Variants in NFIA observed in about 807,000 individuals in gnomAD.
NFIA encodes the protein nuclear factor 1 A-type.
NFIA carries 8 observed loss-of-function variants against 62.8 expected under a neutral mutation model. The ratio of observed to expected loss-of-function variants is 0.13; its 90% confidence interval spans 0.07 to 0.23. The LOEUF is 0.23. Among genes scored for constraint, NFIA ranks in the 10% least tolerant of loss-of-function variants. NFIA has a pLI of 1.00. For synonymous variants in NFIA, 235 were observed against 238.1 expected (o/e 0.99, Z 0.12); for missense variants, 410 against 642.1 (o/e 0.64, Z 3.91).
chr1:61,147,419 A>G (rs939589014), intron 2 of NFIA, among the ~76,000 whole-genome samples: 2 of 152,174 alleles, frequency 1.3e-5, no homozygotes, highest in East Asian at 3.9e-4. Flanking sequence ...CCGAAGTGCT[A>G]GGATTACAGG....
At chr1:61,139,878 CAAAAAAAA>C (rs35520094) in intron 2 of NFIA, among the ~76,000 whole-genome samples, 5 of 74,122 alleles carry the variant, frequency 6.7e-5, no homozygotes, top group East Asian at 3.9e-4. Flanking sequence ...GGGAATTTAC[CAAAAAAAA>C]AAAAAAAAAA....
At chr1:61,242,325 C>T (rs1448773711) in intron 2 of NFIA, among the ~76,000 whole-genome samples, 1 of 152,042 alleles carries the variant, frequency 6.6e-6, no homozygotes, top group Non-Finnish European at 1.5e-5. Context: ...CTTCTGCTGG[C>T]ATGTTGGTTC....
At chr1:61,224,925 A>G (rs1420171091) in intron 2 of NFIA, among the ~76,000 whole-genome samples, 1 of 152,160 alleles carries the variant, frequency 6.6e-6, no homozygotes, top group East Asian at 1.9e-4. Context: ...ACTAAAGTCC[A>G]TTTTTAAAAG....
chr1:61,358,714 C>G (rs879629126), intron 5 of NFIA, among the ~76,000 whole-genome samples: 3 of 152,086 alleles, frequency 2.0e-5, no homozygotes, highest in Non-Finnish European at 4.4e-5. Context: ...TGAAGGATCA[C>G]GAGCCCTGCT....
chr1:61,215,087 A>G (rs1276445861), intron 2 of NFIA, among the ~76,000 whole-genome samples: 2 of 152,172 alleles, frequency 1.3e-5, no homozygotes, highest in East Asian at 1.9e-4. Context: ...CAGTGAATAT[A>G]TTTCTTTTAA....
At chr1:61,357,050 T>A (rs1484679841) in intron 5 of NFIA, among the ~76,000 whole-genome samples, 1 of 152,192 alleles carries the variant, frequency 6.6e-6, no homozygotes, top group Admixed American at 6.5e-5. Context: ...GGAGTCTACA[T>A]TGCTTATAGG....
intron 2 of NFIA, among the ~76,000 whole-genome samples, chr1:61,268,858 A>G (rs1195605326): frequency 6.6e-6 from 1 of 152,182 alleles, no homozygotes; most frequent in African/African-American, 2.4e-5. Context: ...ATATTTAATT[A>G]GCAAGGGGAC....
chr1:61,348,073 A>G (rs1324811723), intron 4 of NFIA, among the ~76,000 whole-genome samples: 2 of 152,196 alleles, frequency 1.3e-5, no homozygotes, highest in South Asian at 4.1e-4. Context: ...CCACCTCTTC[A>G]GTTCTTCATG....
At chr1:61,108,617 C>G (rs1027426720) in intron 2 of NFIA, among the ~76,000 whole-genome samples, 1 of 151,622 alleles carries the variant, frequency 6.6e-6, no homozygotes, top group African/African-American at 2.4e-5. Flanking sequence ...GTTAAATTAA[C>G]CTGTGATAGT....
chr1:61,227,868 A>G (rs1398500578), intron 2 of NFIA, among the ~76,000 whole-genome samples: 1 of 152,212 alleles, frequency 6.6e-6, no homozygotes, highest in African/African-American at 2.4e-5. Flanking sequence ...GTTTTAAATG[A>G]GGAAAGCTGT....
At chr1:61,102,634 A>T (rs959445574) in intron 2 of NFIA, among the ~76,000 whole-genome samples, 1 of 152,212 alleles carries the variant, frequency 6.6e-6, no homozygotes, top group Non-Finnish European at 1.5e-5. Context: ...AATAGCCTTC[A>T]ATAATACTAT....
At chr1:61,159,502 C>G (rs1329626762) in intron 2 of NFIA, among the ~76,000 whole-genome samples, 2 of 152,090 alleles carry the variant, frequency 1.3e-5, no homozygotes, top group Non-Finnish European at 2.9e-5. Context: ...GCTGTAGAAC[C>G]TCTGACCACA....
chr1:61,396,265 A>G (rs996271575), intron 7 of NFIA, among the ~76,000 whole-genome samples: 29 of 152,132 alleles, frequency 1.9e-4, no homozygotes, highest in African/African-American at 7.0e-4. Flanking sequence ...GGTTTTTTAG[A>G]TATAGGGTCT....
chr1:61,443,568 G>T (rs181429148), intron 10 of NFIA, among the ~76,000 whole-genome samples: 9 of 152,314 alleles, frequency 5.9e-5, no homozygotes, highest in African/African-American at 2.2e-4. Flanking sequence ...ACAACCTGCA[G>T]TTTTGCCAGG....
intron 2 of NFIA, among the ~76,000 whole-genome samples, chr1:61,267,002 A>G (rs944876689): frequency 1.3e-5 from 2 of 152,170 alleles, no homozygotes; most frequent in African/African-American, 4.8e-5. Flanking sequence ...GGGCTTGCCC[A>G]ATTCCTCAAA....
intron 2 of NFIA, among the ~76,000 whole-genome samples, chr1:61,224,500 T>G (rs1205538236): frequency 6.6e-6 from 1 of 152,212 alleles, no homozygotes; most frequent in Non-Finnish European, 1.5e-5. Context: ...CAAAACACAC[T>G]TTGAGAAATT....
chr1:61,202,096 C>T (rs1009596689), intron 2 of NFIA, among the ~76,000 whole-genome samples: 2 of 152,132 alleles, frequency 1.3e-5, no homozygotes, highest in African/African-American at 4.8e-5. Context: ...CCTGATATTC[C>T]AGAAGGATAG....
intron 10 of NFIA, among the ~76,000 whole-genome samples, chr1:61,433,025 TTC>T (rs966660822): frequency 6.6e-6 from 1 of 152,158 alleles, no homozygotes; most frequent in Non-Finnish European, 1.5e-5. Flanking sequence ...TCTCCAGAAC[TTC>T]TGTTTTTCAC....
chr1:61,282,005 C>T (rs1658165433), intron 3 of NFIA, among the ~76,000 whole-genome samples: 1 of 151,924 alleles, frequency 6.6e-6, no homozygotes, highest in Non-Finnish European at 1.5e-5. Flanking sequence ...ACAAAAAAAA[C>T]AAAAACGCTC....
Sources: allele counts gnomAD v4.1 joint callset (sites outside exome capture counted in the v4.1 genomes callset), GRCh38; gene constraint gnomAD v4.1.1; transcripts MANE v1.5; gene names NCBI Gene and HGNC (gene_info 2026-07-23, HGNC 2026-07-21).